GALNT14: variants seen among roughly 807,000 people sequenced by gnomAD.
GALNT14 encodes polypeptide N-acetylgalactosaminyltransferase 14, also known as UDP-GalNAc:polypeptide N-acetylgalactosaminyltransferase 14.
In GALNT14, 60 loss-of-function variants were observed where a neutral mutation model predicts 77.5. That is an observed-to-expected ratio of 0.77 (90% confidence interval 0.63 to 0.96). The LOEUF (loss-of-function observed/expected upper bound fraction) is 0.96. Ranked by LOEUF, GALNT14 falls within the 40% of genes least tolerant of loss-of-function variation. The probability of loss-of-function intolerance (pLI) is 0.00; values close to 1 mark genes in which losing one functional copy is unlikely to be tolerated. For synonymous variants in GALNT14, 280 were observed against 281.7 expected (o/e 0.99, Z 0.06); for missense variants, 710 against 731.0 (o/e 0.97, Z 0.33).
intron 1 of GALNT14, among the ~76,000 whole-genome samples, chr2:31,040,163 C>T (rs1217064440): frequency 6.6e-6 from 1 of 152,082 alleles, no homozygotes; most frequent in Non-Finnish European, 1.5e-5. Flanking sequence ...GTATAAATCA[C>T]CTTATTGAGA....
At chr2:30,922,507 C>T (rs1040788866) in intron 13 of GALNT14, among the ~76,000 whole-genome samples, 4 of 152,218 alleles carry the variant, frequency 2.6e-5, no homozygotes, top group African/African-American at 9.7e-5. Context: ...CCTACTCTCC[C>T]ACTGTCCTGC....
At position 30,912,347 on chromosome 2, in the gene GALNT14, GGAGAAA is replaced by G. The variant is rs751025847; in HGVS notation, c.1381-11_1381-6del. Reference sequence around the variant, plus strand: ...GGTGTATGTGAAGGCCCATACCTGGGGAGAAAGAGACCAGGAAGGTTTGTTCAGGAT... The same window carrying G: ...GGTGTATGTGAAGGCCCATACCTGGGGAGACCAGGAAGGTTTGTTCAGGAT... On this transcript the variant is annotated splice_polypyrimidine_tract_variant and splice_region_variant and intron_variant, in intron 13 of 14. Coordinates refer to ENST00000349752, the MANE Select transcript of GALNT14 (RefSeq NM_024572.4). 6.2e-7 allele frequency: 1 copy of G among 1,613,654 alleles called. No homozygotes were observed. Among genetic ancestry groups the G allele is most frequent in the Non-Finnish European group, 8.5e-7 (1 of 1,179,822 alleles).
intron 1 of GALNT14, among the ~76,000 whole-genome samples, chr2:31,085,684 A>T (rs1676394027): frequency 6.6e-6 from 1 of 152,284 alleles, no homozygotes; most frequent in South Asian, 2.1e-4. Context: ...CTTTTGCTGC[A>T]CTGCGGGGAC....
the GALNT14 span, among the ~76,000 whole-genome samples, chr2:30,898,433 T>C: frequency 6.6e-6 from 1 of 152,156 alleles, no homozygotes; most frequent in South Asian, 2.1e-4. Context: ...TGAGGACATA[T>C]ATAGGTGCCT....
chr2:31,115,860 T>TA (rs982082983), intron 1 of GALNT14, among the ~76,000 whole-genome samples: 15 of 152,084 alleles, frequency 9.9e-5, no homozygotes, highest in East Asian at 5.8e-4. Context: ...ATTTTTAAAA[T>TA]AAAAAAAATT....
chr2:30,908,887 C>G (rs911207290), downstream of GALNT14, among the ~76,000 whole-genome samples: 48 of 149,672 alleles, frequency 3.2e-4, no homozygotes, highest in African/African-American at 1.2e-3. Context: ...CAGAACAGAG[C>G]CCTCAGAAAT....
At chr2:31,045,106 G>A (rs982485186) in intron 1 of GALNT14, among the ~76,000 whole-genome samples, 1 of 152,154 alleles carries the variant, frequency 6.6e-6, no homozygotes, top group African/African-American at 2.4e-5. Flanking sequence ...CTCAGGGAGA[G>A]GGTTAGGTAT....
chr2:31,021,946 C>A (rs993447625), intron 1 of GALNT14, among the ~76,000 whole-genome samples: 3 of 152,192 alleles, frequency 2.0e-5, no homozygotes, highest in African/African-American at 7.2e-5. Flanking sequence ...ATGTAATAAC[C>A]ACCCTGTAGG....
intron 1 of GALNT14, among the ~76,000 whole-genome samples, chr2:31,072,373 CTCT>C (rs568196715): frequency 2.4e-4 from 36 of 151,894 alleles, no homozygotes; most frequent in African/African-American, 7.7e-4. Context: ...CTCTCTTGCT[CTCT>C]TTTTTTTTCT....
At chr2:30,974,256 T>C (rs1668515335) in intron 2 of GALNT14, among the ~76,000 whole-genome samples, 1 of 152,248 alleles carries the variant, frequency 6.6e-6, no homozygotes, top group Non-Finnish European at 1.5e-5. Flanking sequence ...GCATTTGTCT[T>C]CTTTATCTCT....
intron 11 of GALNT14, among the ~76,000 whole-genome samples, chr2:30,926,796 T>C (rs548394129): frequency 6.6e-6 from 1 of 151,504 alleles, no homozygotes; most frequent in Non-Finnish European, 1.5e-5. Flanking sequence ...AAGAGGACAG[T>C]CCAGGGTGCA....
At chr2:30,888,365 G>C in the GALNT14 span, among the ~76,000 whole-genome samples, 1 of 152,232 alleles carries the variant, frequency 6.6e-6, no homozygotes, top group Non-Finnish European at 1.5e-5. Context: ...TGACTACAGA[G>C]AATAGTGTGA....
chr2:31,021,415 C>A (rs1671710427), intron 1 of GALNT14, among the ~76,000 whole-genome samples: 1 of 151,916 alleles, frequency 6.6e-6, no homozygotes, highest in Non-Finnish European at 1.5e-5. Flanking sequence ...AGCAATTCTC[C>A]TGCCTCAGCC....
chr2:30,927,481 T>C (rs747469565), intron 11 of GALNT14, among the ~76,000 whole-genome samples: 3 of 152,222 alleles, frequency 2.0e-5, no homozygotes, highest in Non-Finnish European at 2.9e-5. Flanking sequence ...CAAGAGGAGA[T>C]GAATCCAGGC....
intron 6 of GALNT14, among the ~76,000 whole-genome samples, chr2:30,946,288 C>T (rs1441873605): frequency 6.6e-6 from 1 of 152,196 alleles, no homozygotes; most frequent in Non-Finnish European, 1.5e-5. Flanking sequence ...AATCAAATCT[C>T]ATGTCAAATT....
chr2:30,985,820 C>T (rs1669265511), intron 2 of GALNT14, among the ~76,000 whole-genome samples: 1 of 152,178 alleles, frequency 6.6e-6, no homozygotes, highest in Non-Finnish European at 1.5e-5. Context: ...GGCTCCCCCT[C>T]CCCTCCCCTC....
intron 1 of GALNT14, among the ~76,000 whole-genome samples, chr2:31,063,033 A>G (rs1447166349): frequency 2.6e-5 from 4 of 152,122 alleles, no homozygotes; most frequent in Non-Finnish European, 5.9e-5. Flanking sequence ...CTCTGATGAT[A>G]GTTTCTTTTG....
chr2:31,023,966 A>T (rs1008650033), intron 1 of GALNT14, among the ~76,000 whole-genome samples: 1 of 151,898 alleles, frequency 6.6e-6, no homozygotes, highest in African/African-American at 2.4e-5. Context: ...CTGCACTTCC[A>T]CTTTAAGGTC....
At position 31,111,407 on chromosome 2, in the gene GALNT14, G is replaced by A. The variant is rs1573364581; in HGVS notation, c.129+26551C>T. 2.0e-5 allele frequency among the ~76,000 whole-genome samples: 3 copies of A among 152,320 alleles called. No individual in the cohort carries two copies. In the East Asian group the frequency reaches 5.8e-4, roughly 29 times the overall value. On this transcript the variant is annotated intron_variant, in intron 1 of 14. Coordinates refer to ENST00000349752, the MANE Select transcript of GALNT14 (RefSeq NM_024572.4). ...CAGCAGATGTTTGCTAAACATTTGT[G>A]AAATCTAATTTGTTCACTGAATCAA...
Sources: gnomAD v4.1 joint callset for allele counts (sites outside exome capture counted in the v4.1 genomes callset) on GRCh38, gnomAD v4.1.1 for gene constraint, MANE v1.5 for transcripts, NCBI Gene and HGNC (gene_info 2026-07-23, HGNC 2026-07-21) for gene names.